Variants in CCPG1 observed in about 807,000 individuals in gnomAD.
CCPG1 encodes the protein cell cycle progression 1.
Under a neutral mutation model 81.3 loss-of-function variants are expected in CCPG1, and 46 were observed. That is an observed-to-expected ratio of 0.57 (90% confidence interval 0.45 to 0.72). The LOEUF (loss-of-function observed/expected upper bound fraction) is 0.72, where lower values mean the gene tolerates loss of function less well. Ranked by LOEUF, CCPG1 falls within the 30% of genes least tolerant of loss-of-function variation. The pLI is 0.00. For synonymous variants in CCPG1, 330 were observed against 305.2 expected, an observed-to-expected ratio of 1.08 and a Z score of -0.85; for missense variants, 902 against 937.6, an observed-to-expected ratio of 0.96 and a Z score of 0.50.
chr15:55,361,386 T>A (rs916084737), intron 7 of CCPG1, among the ~76,000 whole-genome samples: 4 of 151,680 alleles, frequency 2.6e-5, no homozygotes, highest in Non-Finnish European at 5.9e-5. Context: ...CTTTTCTGAA[T>A]CAGGAAAAGA....
At chr15:55,390,430 G>T (rs1217560012) in intron 1 of CCPG1, among the ~76,000 whole-genome samples, 1 of 133,448 alleles carries the variant, frequency 7.5e-6, no homozygotes, top group Non-Finnish European at 1.6e-5. Context: ...ACCCAACTTA[G>T]TAAAGCAAAT....
At position 55,370,928 on chromosome 15, in the gene CCPG1, T is replaced by C. The variant is rs192863590; in HGVS notation, c.706+865A>G. ...GACTTCGAGACCAGCCTGGCCAACA[T>C]GGCAAAACCCCGTCTCTACTACAAA... On this transcript the variant is annotated intron_variant, in intron 6 of 8. Transcript: ENST00000442196. Among the ~76,000 whole-genome samples, 691 of 141,082 alleles carry C rather than the reference T, an allele frequency of 4.9e-3. 9 individuals are homozygous for C. The highest frequency in any genetic ancestry group is 0.017 in the African/African-American group (659 of 38,068). The allele number at this position is 141,082 out of a possible 152,430, so 92.6% of individuals were successfully genotyped here.
intron 1 of CCPG1, among the ~76,000 whole-genome samples, chr15:55,400,706 C>A (rs1293182627): frequency 3.9e-5 from 6 of 152,188 alleles, no homozygotes; most frequent in Admixed American, 3.9e-4. Flanking sequence ...TCTTTAATTT[C>A]CGCTCATCTC....
intron 1 of CCPG1, among the ~76,000 whole-genome samples, chr15:55,405,468 T>C (rs776567042): frequency 6.6e-6 from 1 of 152,158 alleles, no homozygotes; most frequent in Non-Finnish European, 1.5e-5. Context: ...AATCACACTG[T>C]AATCCCAGCT....
chr15:55,359,088 G>A (rs910389673), intron 8 of CCPG1: 5 of 984,670 alleles, frequency 5.1e-6, no homozygotes, highest in Non-Finnish European at 4.8e-6. Flanking sequence ...ATGGACAAGT[G>A]AAAATAGGTG....
rs113352987 is a variant in CCPG1, at chr15:55,406,108, G to A, written c.-10+2113C>T. 1.3e-3 allele frequency among the ~76,000 whole-genome samples: 197 copies of A among 152,188 alleles called. 2 individuals carry two copies. The highest frequency in any genetic ancestry group is 4.5e-3 in the African/African-American group (188 of 41,530). ...TTGAAGTCCTGACCTCAAGTGATCCGCCTGCCTTGGCTTCCCAAAGTCCTG... is the reference window on the plus strand; with the variant it reads ...TTGAAGTCCTGACCTCAAGTGATCCACCTGCCTTGGCTTCCCAAAGTCCTG... On this transcript the variant is annotated intron_variant, in intron 1 of 8. Transcript: ENST00000442196.
intron 1 of CCPG1, among the ~76,000 whole-genome samples, chr15:55,402,362 G>A (rs1225072669): frequency 6.6e-6 from 1 of 150,608 alleles, no homozygotes; most frequent in African/African-American, 2.5e-5. Flanking sequence ...TGAGTAATTG[G>A]GACTACAGGT....
chr15:55,371,103 ACTCCGT>A (rs1279658425), intron 6 of CCPG1, among the ~76,000 whole-genome samples: 1 of 152,122 alleles, frequency 6.6e-6, no homozygotes, highest in East Asian at 1.9e-4. Context: ...ACAGAGTGGG[ACTCCGT>A]CTCCAAAAAA....
In CCPG1 at chr15:55,355,958, T is replaced by G. The variant is rs148216068; in HGVS notation, c.*262A>C. 2.2e-6 allele frequency: 1 copy of G among 444,996 alleles called. No homozygotes were observed. Among genetic ancestry groups the G allele is most frequent in the African/African-American group, 2.1e-5 (1 of 48,394 alleles). The allele number at this position is 444,996 out of a possible 1,614,324, so 27.6% of individuals were successfully genotyped here. A position where few individuals can be genotyped will look rare whatever the true frequency, so the allele number is the denominator to read the frequency against. On this transcript the variant is annotated 3_prime_UTR_variant, in exon 9 of 9. Transcript: ENST00000442196. ...AGTCTCATTTCATGCACAAAATCTG[T>G]TGCATGCCTGGCTTCCTTAATAAAA...
intron 7 of CCPG1, among the ~76,000 whole-genome samples, chr15:55,364,653 C>T (rs927140129): frequency 2.7e-5 from 4 of 150,510 alleles, no homozygotes; most frequent in Non-Finnish European, 4.4e-5. Context: ...GGTGGGTAGA[C>T]GGAGGTCAGG....
intron 8 of CCPG1, chr15:55,359,313 A>G (rs1246753419): frequency 1.6e-6 from 2 of 1,218,924 alleles, no homozygotes; most frequent in Admixed American, 4.1e-5. Context: ...TAAAAATTAA[A>G]CCATTTGCTC....
intron 1 of CCPG1, among the ~76,000 whole-genome samples, chr15:55,406,436 CTTTTTTTTTTTTTG>C (rs1179605554): frequency 0.012 from 1,523 of 126,256 alleles, 9 homozygotes; most frequent in South Asian, 0.016. Context: ...TTCTTTTTCT[CTTTTTTTTTTTTTG>C]TTTTTTTTTT....
chr15:55,380,979 T>A (rs1187668358), intron 3 of CCPG1, among the ~76,000 whole-genome samples: 2 of 149,786 alleles, frequency 1.3e-5, no homozygotes, highest in East Asian at 2.0e-4. Flanking sequence ...CTACTAAAAA[T>A]ACAAAAAATT....
At chr15:55,367,162 T>C (rs1465038697) in intron 6 of CCPG1, among the ~76,000 whole-genome samples, 1 of 152,216 alleles carries the variant, frequency 6.6e-6, no homozygotes, top group Non-Finnish European at 1.5e-5. Flanking sequence ...CACGGCAAGC[T>C]TGTTTCAAAA....
At chr15:55,400,367 G>C (rs1022217538) in intron 1 of CCPG1, among the ~76,000 whole-genome samples, 1 of 151,508 alleles carries the variant, frequency 6.6e-6, no homozygotes, top group Admixed American at 6.6e-5. Context: ...AATTAGCCAG[G>C]CATGATGGTG....
At chr15:55,390,327 G>A (rs1016217943) in intron 1 of CCPG1, among the ~76,000 whole-genome samples, 2 of 152,170 alleles carry the variant, frequency 1.3e-5, no homozygotes, top group Admixed American at 6.5e-5. Flanking sequence ...TCTGGTCACT[G>A]GCAACAACCT....
At chr15:55,393,970 A>G (rs1334243966) in intron 1 of CCPG1, among the ~76,000 whole-genome samples, 2 of 152,128 alleles carry the variant, frequency 1.3e-5, no homozygotes, top group Admixed American at 6.6e-5. Context: ...TTCATTTTCA[A>G]TAAATCTCTG....
chr15:55,401,682 C>T (rs2057133127), intron 1 of CCPG1, among the ~76,000 whole-genome samples: 1 of 149,112 alleles, frequency 6.7e-6, no homozygotes, highest in South Asian at 2.1e-4. Flanking sequence ...AAAAAAAAAC[C>T]ACTACTACCC....
At chr15:55,390,962 A>G (rs954124078) in intron 1 of CCPG1, among the ~76,000 whole-genome samples, 1 of 152,218 alleles carries the variant, frequency 6.6e-6, no homozygotes, top group African/African-American at 2.4e-5. Context: ...CTACAAATTT[A>G]AAAGTAAACT....
Sources: allele counts gnomAD v4.1 joint callset (sites outside exome capture counted in the v4.1 genomes callset), GRCh38; gene constraint gnomAD v4.1.1; transcripts MANE v1.5; gene names NCBI Gene and HGNC (gene_info 2026-07-23, HGNC 2026-07-21).